PLXNA4: variants seen among roughly 807,000 people sequenced by gnomAD.
The protein encoded by PLXNA4 is plexin-A4.
In PLXNA4, 44 loss-of-function variants were observed where a neutral mutation model predicts 191.8. The observed-to-expected ratio is 0.23, with a 90% CI of 0.18 to 0.29. PLXNA4 has a LOEUF of 0.29. Ranked by LOEUF, PLXNA4 falls within the 10% of genes least tolerant of loss-of-function variation. PLXNA4 has a pLI of 1.00. For missense variants in PLXNA4, 1,800 were observed against 2,488.8 expected, an observed-to-expected ratio of 0.72 and a Z score of 5.89; for synonymous variants, 1,082 against 1,009.5, an observed-to-expected ratio of 1.07 and a Z score of -1.36.
chr7:132,132,245 G>T (rs1316487050), intron 31 of PLXNA4, among the ~76,000 whole-genome samples: 2 of 152,214 alleles, frequency 1.3e-5, no homozygotes, highest in African/African-American at 4.8e-5. Flanking sequence ...TCTCCCAGCT[G>T]CTCCTGACCC....
chr7:132,576,307 G>T lies in PLXNA4; in HGVS notation c.-87+115C>A, dbSNP rs965790681. 1 of 781,560 alleles carries T rather than the reference G, an allele frequency of 1.3e-6. No homozygotes were observed. Among genetic ancestry groups the T allele is most frequent in the Non-Finnish European group, 1.6e-6 (1 of 643,518 alleles). 48.4% of individuals were successfully genotyped at this position (781,560 alleles called of 1,614,324 possible). A position where few individuals can be genotyped will look rare whatever the true frequency, so the allele number is the denominator to read the frequency against. On this transcript the variant is annotated intron_variant, in intron 1 of 31. Coordinates refer to ENST00000321063, the MANE Select transcript of PLXNA4 (RefSeq NM_020911.2). This position sits in a 1 kb window ranked among gnomAD's most constrained non-coding sequence, Gnocchi z 5.8. ...TGTGTGCCTGCGTGTGTGCGTGTGCGTGTGCCGCGGGCTGGCTCCGGGACA... is the reference window on the plus strand; with the variant it reads ...TGTGTGCCTGCGTGTGTGCGTGTGCTTGTGCCGCGGGCTGGCTCCGGGACA...
rs755930438 is a variant in PLXNA4, at chr7:132,508,202, G to T, written c.492C>A (p.Asn164Lys). ...HKKEHYLSGV[N>K]ESGSVFGVIV... ...TCACTCCAAAGACTGAGCCGCTCTC[G>T]TTGACACCTGACAGATAGTGCTCCT... The change falls in exon 2 of 32, where the codon AAC (asparagine) becomes AAA (lysine). Residue 164 changes from asparagine (N) to lysine (K), a missense_variant. Physicochemically the swap from Asn to Lys is moderately conservative, Grantham distance 94. Coordinates refer to ENST00000321063, the MANE Select transcript of PLXNA4 (RefSeq NM_020911.2). The surrounding 1 kb of genome is among the most constrained non-coding windows in gnomAD (Gnocchi z 4.4). The T allele has an allele frequency of 6.2e-7, 1 of 1,614,202 alleles. No individual in the cohort carries two copies. Among genetic ancestry groups the T allele is most frequent in the South Asian group, 1.1e-5 (1 of 91,078 alleles).
At chr7:132,631,708 G>T (rs1803493536) in intron 2 of PLXNA4, among the ~76,000 whole-genome samples, 1 of 152,058 alleles carries the variant, frequency 6.6e-6, no homozygotes, top group Non-Finnish European at 1.5e-5. Context: ...CAACCCCATG[G>T]TCTCATCTGC....
chr7:132,335,426 C>T (rs1802778673), intron 3 of PLXNA4, among the ~76,000 whole-genome samples: 1 of 152,192 alleles, frequency 6.6e-6, no homozygotes, highest in Non-Finnish European at 1.5e-5. Context: ...CAAGTCCTAC[C>T]TCCTCTTCCC....
chr7:132,226,430 G>T (rs1798325604), intron 7 of PLXNA4, among the ~76,000 whole-genome samples, 170 bp from the exon 8 acceptor site: 1 of 152,246 alleles, frequency 6.6e-6, no homozygotes, highest in Non-Finnish European at 1.5e-5. Flanking sequence ...AGCAGCTGCA[G>T]AGGGCAGTTC....
intron 3 of PLXNA4, chr7:132,385,190 A>G (rs1805069702): frequency 1.9e-6 from 3 of 1,613,874 alleles, no homozygotes; most frequent in Admixed American, 1.7e-5. Flanking sequence ...AGTTTTTCTC[A>G]GTTTGATGAA....
intron 2 of PLXNA4, among the ~76,000 whole-genome samples, chr7:132,642,114 A>G (rs1219794632): frequency 6.6e-6 from 1 of 152,204 alleles, no homozygotes; most frequent in Non-Finnish European, 1.5e-5. Flanking sequence ...AAATGAATTT[A>G]CTGAAGATTT....
intron 31 of PLXNA4, among the ~76,000 whole-genome samples, chr7:132,131,441 C>G (rs1293844391): frequency 2.0e-5 from 3 of 151,996 alleles, no homozygotes; most frequent in African/African-American, 7.2e-5. Flanking sequence ...AAGGCCTGCC[C>G]CCCGAGAGGC....
Position 132,504,403 on chromosome 7 carries a change from C to T in PLXNA4, c.1188+3103G>A, listed in dbSNP as rs73158861. On this transcript the variant is annotated intron_variant, in intron 2 of 31. Coordinates refer to ENST00000321063, the MANE Select transcript of PLXNA4 (RefSeq NM_020911.2). ...GGTGGCCCAGGAGTTTTGCGGATCC[C>T]GGCTCTGAGTTCTGGAGGTGTGAGT... is the stretch of plus-strand genomic sequence containing the variant. 4.6e-3 allele frequency among the ~76,000 whole-genome samples: 698 copies of T among 152,190 alleles called. 2 individuals carry two copies. Among genetic ancestry groups the T allele is most frequent in the African/African-American group, 0.016 (663 of 41,520 alleles).
At chr7:132,293,510 G>C (rs1800966845) in intron 4 of PLXNA4, among the ~76,000 whole-genome samples, 1 of 152,164 alleles carries the variant, frequency 6.6e-6, no homozygotes, top group African/African-American at 2.4e-5. Context: ...GGAATTATGG[G>C]AGCTACAATG....
chr7:132,438,882 A>G (rs999248647), intron 3 of PLXNA4, among the ~76,000 whole-genome samples: 1 of 152,210 alleles, frequency 6.6e-6, no homozygotes, highest in Admixed American at 6.5e-5. Flanking sequence ...GCTAGACAGT[A>G]AGTCATCGAT....
At chr7:132,265,729 G>C (rs887892573) in intron 4 of PLXNA4, among the ~76,000 whole-genome samples, 1 of 152,164 alleles carries the variant, frequency 6.6e-6, no homozygotes, top group Non-Finnish European at 1.5e-5. Context: ...TGAAGAACAG[G>C]ACAGGGCTCA....
chr7:132,419,389 G>T (rs1794772723), intron 3 of PLXNA4, among the ~76,000 whole-genome samples: 1 of 152,152 alleles, frequency 6.6e-6, no homozygotes, highest in Admixed American at 6.5e-5. Context: ...CCAGATAACT[G>T]GGTGAACAAC....
chr7:132,361,329 C>T (rs890944207), intron 3 of PLXNA4, among the ~76,000 whole-genome samples: 1 of 152,126 alleles, frequency 6.6e-6, no homozygotes, highest in Non-Finnish European at 1.5e-5. Context: ...ACAGAGCCAA[C>T]ACGTGTTGTG....
At chr7:132,278,213 A>C (rs2116374924) in intron 4 of PLXNA4, among the ~76,000 whole-genome samples, 1 of 152,254 alleles carries the variant, frequency 6.6e-6, no homozygotes, top group Middle Eastern at 3.4e-3. Context: ...GAATCTCAGA[A>C]TTTTCTCCAG....
chr7:132,343,766 A>G (rs1412131129), intron 3 of PLXNA4, among the ~76,000 whole-genome samples: 1 of 152,118 alleles, frequency 6.6e-6, no homozygotes, highest in East Asian at 1.9e-4. Context: ...AGAATACAAA[A>G]CTTAGCTGGG....
intron 30 of PLXNA4, among the ~76,000 whole-genome samples, chr7:132,135,294 G>A (rs141309233): frequency 6.6e-5 from 10 of 152,262 alleles, no homozygotes; most frequent in Non-Finnish European, 1.3e-4. Flanking sequence ...GCTTCCACCA[G>A]ACAGGTATAC....
intron 28 of PLXNA4, chr7:132,145,615 G>T (rs1257280589): frequency 3.0e-6 from 1 of 332,038 alleles, no homozygotes; most frequent in African/African-American, 2.2e-5. Flanking sequence ...CACTCACTTG[G>T]TCAGAGCAGA....
chr7:132,351,057 C>A (rs1803465128), intron 3 of PLXNA4, among the ~76,000 whole-genome samples: 1 of 152,140 alleles, frequency 6.6e-6, no homozygotes, highest in Non-Finnish European at 1.5e-5. Context: ...ATATAAGATT[C>A]CTTTTATACA....
Sources: allele counts gnomAD v4.1 joint callset (sites outside exome capture counted in the v4.1 genomes callset), GRCh38; gene constraint gnomAD v4.1.1; non-coding constraint Gnocchi (gnomAD v3.1); transcripts MANE v1.5; gene names NCBI Gene and HGNC (gene_info 2026-07-23, HGNC 2026-07-21).